Variants in ACYP2 observed in about 807,000 individuals in gnomAD.
The protein encoded by ACYP2 is acylphosphatase-2.
In ACYP2, 12 loss-of-function variants were observed where a neutral mutation model predicts 11.2. The ratio of observed to expected loss-of-function variants is 1.08; its 90% CI spans 0.69 to 1.74. ACYP2 has a LOEUF of 1.74. Ranked by LOEUF, ACYP2 falls within the 40% of genes most tolerant of loss-of-function variation. The pLI, the probability that ACYP2 is intolerant of heterozygous loss-of-function variation, is 0.00. For synonymous variants in ACYP2, 43 were observed against 32.2 expected, an observed-to-expected ratio of 1.33 and a Z score of -1.13; for missense variants, 134 against 101.9, an observed-to-expected ratio of 1.31 and a Z score of -1.35.
intron 6 of ACYP2, among the ~76,000 whole-genome samples, chr2:54,155,420 G>C (rs183541462): frequency 6.6e-6 from 1 of 152,200 alleles, no homozygotes; most frequent in Non-Finnish European, 1.5e-5. Context: ...AGACTGCAGG[G>C]GTCCCCAACC....
intron 6 of ACYP2, among the ~76,000 whole-genome samples, chr2:54,198,147 G>A (rs1488738789): frequency 6.6e-6 from 1 of 152,016 alleles, no homozygotes; most frequent in Non-Finnish European, 1.5e-5. Flanking sequence ...AGCCTCCCAA[G>A]TATCTGGGAT....
intron 6 of ACYP2, among the ~76,000 whole-genome samples, chr2:54,217,265 G>A (rs1466574661): frequency 6.6e-6 from 1 of 152,154 alleles, no homozygotes; most frequent in East Asian, 1.9e-4. Context: ...TCTAATACTT[G>A]TGGCCACTGA....
chr2:54,125,815 C>G (rs1680459206), intron 4 of ACYP2, among the ~76,000 whole-genome samples: 1 of 148,080 alleles, frequency 6.8e-6, no homozygotes, highest in South Asian at 2.2e-4. Context: ...GGCACAGTGG[C>G]TCACGCCTGT....
At chr2:54,182,424 C>CT (rs571357648) in intron 6 of ACYP2, among the ~76,000 whole-genome samples, 586 of 152,284 alleles carry the variant, frequency 3.8e-3, no homozygotes, top group Non-Finnish European at 6.4e-3. Flanking sequence ...TCACTGAAGC[C>CT]TTGACCTTCC....
chr2:54,110,133 C>T (rs1027580855), intron 4 of ACYP2, among the ~76,000 whole-genome samples: 3 of 152,098 alleles, frequency 2.0e-5, no homozygotes, highest in African/African-American at 4.8e-5. Context: ...TTAAACTTCA[C>T]GTAAGCATTT....
chr2:54,186,587 C>T (rs527805938), intron 6 of ACYP2, among the ~76,000 whole-genome samples: 339 of 152,254 alleles, frequency 2.2e-3, no homozygotes, highest in Non-Finnish European at 3.8e-3. Context: ...GGTCTCAGCT[C>T]ACTGCAACCT....
At chr2:54,121,178 G>T (rs1167203806) in intron 4 of ACYP2, among the ~76,000 whole-genome samples, 1 of 152,180 alleles carries the variant, frequency 6.6e-6, no homozygotes, top group Non-Finnish European at 1.5e-5. Flanking sequence ...TGACAGAAAA[G>T]CTCTCGATAA....
intron 6 of ACYP2, among the ~76,000 whole-genome samples, chr2:54,238,194 A>G (rs1031210124): frequency 6.6e-6 from 1 of 152,148 alleles, no homozygotes; most frequent in African/African-American, 2.4e-5. Context: ...ACCTGGTTTT[A>G]TGCTTCTTCA....
intron 6 of ACYP2, among the ~76,000 whole-genome samples, chr2:54,166,545 A>G (rs1682983105): frequency 6.6e-6 from 1 of 152,180 alleles, no homozygotes; most frequent in East Asian, 1.9e-4. Context: ...AGATACTGTG[A>G]CTTTAAAAAA....
At chr2:54,070,454 C>T (rs935266022) in intron 4 of ACYP2, among the ~76,000 whole-genome samples, 1 of 152,128 alleles carries the variant, frequency 6.6e-6, no homozygotes, top group Non-Finnish European at 1.5e-5. Flanking sequence ...ATGAATTTTA[C>T]ACCTAACCAG....
At chr2:54,267,402 A>G in intron 6 of ACYP2, 1 of 1,520,166 alleles carries the variant, frequency 6.6e-7, no homozygotes, top group Non-Finnish European at 8.8e-7. Flanking sequence ...AAGGGCTTAT[A>G]CATCCTAAAG....
intron 6 of ACYP2, among the ~76,000 whole-genome samples, chr2:54,171,892 G>A (rs1164704529): frequency 6.6e-6 from 1 of 151,992 alleles, no homozygotes; most frequent in Non-Finnish European, 1.5e-5. Flanking sequence ...TTCTTTCCCT[G>A]TACTAATTGG....
chr2:54,254,690 G>A, intron 6 of ACYP2: 1 of 531,046 alleles, frequency 1.9e-6, no homozygotes. Flanking sequence ...TGACCCATCG[G>A]CTGGGAGCAT....
At chr2:54,001,971 T>C (rs1296514188) in intron 2 of ACYP2, among the ~76,000 whole-genome samples, 1 of 152,218 alleles carries the variant, frequency 6.6e-6, no homozygotes, top group Non-Finnish European at 1.5e-5. Flanking sequence ...ACAACAGTCA[T>C]ACATTTGTTA....
intron 6 of ACYP2, among the ~76,000 whole-genome samples, chr2:54,176,714 C>T (rs1011472712): frequency 1.3e-5 from 2 of 152,162 alleles, no homozygotes; most frequent in African/African-American, 2.4e-5. Flanking sequence ...CTTAGTTGCT[C>T]AGTGCCTGGA....
At chr2:54,025,597 A>C (rs1674241184) in intron 2 of ACYP2, among the ~76,000 whole-genome samples, 1 of 152,226 alleles carries the variant, frequency 6.6e-6, no homozygotes, top group Admixed American at 6.5e-5. Context: ...CAAAGACTTG[A>C]ATATACAACC....
chr2:54,039,511 C>T (rs1033260875), intron 2 of ACYP2, among the ~76,000 whole-genome samples: 1 of 152,070 alleles, frequency 6.6e-6, no homozygotes, highest in Non-Finnish European at 1.5e-5. Flanking sequence ...AAGCTGATCT[C>T]GAACTCCTGA....
intron 6 of ACYP2, among the ~76,000 whole-genome samples, chr2:54,181,119 C>G (rs1683701824): frequency 6.6e-6 from 1 of 152,178 alleles, no homozygotes; most frequent in South Asian, 2.1e-4. Flanking sequence ...CTACTATGTT[C>G]AAAACACTAG....
At chr2:53,999,624 C>T (rs1021395559) in intron 2 of ACYP2, among the ~76,000 whole-genome samples, 7 of 152,046 alleles carry the variant, frequency 4.6e-5, no homozygotes, top group Admixed American at 4.6e-4. Flanking sequence ...TAAAACAGGC[C>T]CTGTTTTATA....
Sources: gnomAD v4.1 joint callset for allele counts (sites outside exome capture counted in the v4.1 genomes callset) on GRCh38, gnomAD v4.1.1 for gene constraint, MANE v1.5 for transcripts, NCBI Gene and HGNC (gene_info 2026-07-23, HGNC 2026-07-21) for gene names.